The following HYCC2 variants were observed in gnomAD, a reference collection of about 807,000 sequenced individuals.
HYCC2 encodes hyccin 2.
the HYCC2 span, among the ~76,000 whole-genome samples, chr2:200,991,944 G>C: frequency 6.6e-6 from 1 of 151,702 alleles, no homozygotes; most frequent in Non-Finnish European, 1.5e-5. Flanking sequence ...GTCGGGGCCG[G>C]GGGGGGAGGT....
chr2:201,040,420 AAAAC>A, the HYCC2 span, among the ~76,000 whole-genome samples: 5 of 152,050 alleles, frequency 3.3e-5, no homozygotes, highest in East Asian at 3.8e-4. Context: ...TTCTAAAACA[AAAAC>A]AAATTGAGAA....
chr2:201,015,722 C>T, the HYCC2 span, among the ~76,000 whole-genome samples: 2 of 152,188 alleles, frequency 1.3e-5, no homozygotes, highest in Non-Finnish European at 2.9e-5. Flanking sequence ...AAAACTGACA[C>T]AAAATTGTCT....
chr2:201,042,594 A>G, the HYCC2 span, among the ~76,000 whole-genome samples: 1 of 136,200 alleles, frequency 7.3e-6, no homozygotes, highest in Non-Finnish European at 1.6e-5. Context: ...TGAGGAGCCC[A>G]TCCGCCCAGC....
chr2:201,020,327 T>C, the HYCC2 span, among the ~76,000 whole-genome samples: 1 of 152,178 alleles, frequency 6.6e-6, no homozygotes, highest in Non-Finnish European at 1.5e-5. Flanking sequence ...TGATATTTGA[T>C]GAACACACTG....
chr2:201,051,870 C>A, the HYCC2 span, among the ~76,000 whole-genome samples: 1 of 152,092 alleles, frequency 6.6e-6, no homozygotes, highest in Non-Finnish European at 1.5e-5. Context: ...TGTACCAAGA[C>A]CATAGAGAAC....
the HYCC2 span, among the ~76,000 whole-genome samples, chr2:201,042,353 A>G: frequency 5.3e-5 from 8 of 152,016 alleles, no homozygotes; most frequent in Non-Finnish European, 1.2e-4. Context: ...AAGTGCTGAG[A>G]TTGCAGCCTC....
At chr2:201,048,060 A>G in the HYCC2 span, among the ~76,000 whole-genome samples, 2 of 152,152 alleles carry the variant, frequency 1.3e-5, no homozygotes, top group Admixed American at 1.3e-4. Flanking sequence ...ATATCGGGGT[A>G]AACAGTATAA....
At chr2:200,988,232 A>C in the HYCC2 span, 4 of 1,566,006 alleles carry the variant, frequency 2.6e-6, no homozygotes, top group Non-Finnish European at 3.5e-6. Context: ...ACTTGACTCC[A>C]TGTGTGGACT....
the HYCC2 span, among the ~76,000 whole-genome samples, chr2:201,038,221 A>G: frequency 6.6e-6 from 1 of 152,198 alleles, no homozygotes; most frequent in African/African-American, 2.4e-5. Flanking sequence ...TAGAATGGCG[A>G]TCATTACAAA....
chr2:201,042,994 G>A, the HYCC2 span, among the ~76,000 whole-genome samples: 1 of 152,210 alleles, frequency 6.6e-6, no homozygotes, highest in Admixed American at 6.5e-5. Flanking sequence ...GAATAGAAAA[G>A]GGGGAAATGT....
the HYCC2 span, chr2:200,988,282 C>T: frequency 6.8e-6 from 11 of 1,611,174 alleles, no homozygotes; most frequent in Admixed American, 3.4e-5. Context: ...CCATCTATGA[C>T]GACGGATTGA....
At chr2:200,992,885 A>T in the HYCC2 span, 2 of 1,543,844 alleles carry the variant, frequency 1.3e-6, no homozygotes, top group African/African-American at 1.4e-5. Context: ...CCACCTACTT[A>T]CATGGCATAA....
chr2:201,042,271 A>C, the HYCC2 span, among the ~76,000 whole-genome samples: 1 of 152,164 alleles, frequency 6.6e-6, no homozygotes, highest in Non-Finnish European at 1.5e-5. Context: ...AATGTTGCCC[A>C]GGCTGGAGTG....
chr2:201,040,482 A>G, the HYCC2 span, among the ~76,000 whole-genome samples: 12 of 146,498 alleles, frequency 8.2e-5, no homozygotes, highest in Non-Finnish European at 1.7e-4. Context: ...TGTGAATCTC[A>G]TAATTTTTTT....
chr2:201,021,413 C>T, the HYCC2 span: 6 of 153,714 alleles, frequency 3.9e-5, no homozygotes, highest in East Asian at 1.2e-3. Flanking sequence ...CCCAAAGTCC[C>T]ACACATTAAT....
chr2:201,028,512 C>T, the HYCC2 span, among the ~76,000 whole-genome samples: 1 of 152,166 alleles, frequency 6.6e-6, no homozygotes, highest in Non-Finnish European at 1.5e-5. Context: ...CCAAGACAAT[C>T]CTAAGCCAAA....
At chr2:200,979,233 A>T in the HYCC2 span, 2 of 151,586 alleles carry the variant, frequency 1.3e-5, no homozygotes, top group African/African-American at 2.4e-5. Context: ...TATTTAAAAT[A>T]CAACTTTGTG....
chr2:200,981,623 C>T, the HYCC2 span: 1 of 1,613,966 alleles, frequency 6.2e-7, no homozygotes, highest in East Asian at 2.2e-5. This position sits in a 1 kb window ranked among gnomAD's most constrained non-coding sequence, Gnocchi z 4.5. Context: ...ACACTAAGAT[C>T]AGTTGGTTGC....
At chr2:201,002,415 T>C in the HYCC2 span, among the ~76,000 whole-genome samples, 1 of 152,160 alleles carries the variant, frequency 6.6e-6, no homozygotes, top group Non-Finnish European at 1.5e-5. Flanking sequence ...ATAATCAGTA[T>C]TGGGAGTTAG....
Sources: gnomAD v4.1 joint callset for allele counts (sites outside exome capture counted in the v4.1 genomes callset) on GRCh38, gnomAD v4.1.1 for gene constraint, Gnocchi (gnomAD v3.1) non-coding constraint, MANE v1.5 for transcripts, NCBI Gene and HGNC (gene_info 2026-07-23, HGNC 2026-07-21) for gene names.